Variants in SMARCA4 observed in about 807,000 individuals in gnomAD.
The protein encoded by SMARCA4 is SWI/SNF related BAF chromatin remodeling complex subunit ATPase 4.
A neutral mutation model predicts 193.9 loss-of-function variants in SMARCA4; 31 were observed. The observed-to-expected ratio is 0.16, with a 90% CI of 0.12 to 0.22. The LOEUF (loss-of-function observed/expected upper bound fraction) is 0.22. Among genes scored for constraint, SMARCA4 ranks in the 10% least tolerant of loss-of-function variants. The probability of loss-of-function intolerance (pLI) is 1.00; values close to 1 mark genes in which losing one functional copy is unlikely to be tolerated. For missense variants in SMARCA4, 1,148 were observed against 2,296.0 expected, an observed-to-expected ratio of 0.50 and a Z score of 10.22; for synonymous variants, 942 against 933.1, an observed-to-expected ratio of 1.01 and a Z score of -0.17.
chr19:11,018,842 A>G, intron 16 of SMARCA4, 115 bp from the exon 17 acceptor site: 1 of 850,780 alleles, frequency 1.2e-6, no homozygotes, highest in Non-Finnish European at 2.1e-6. Flanking sequence ...TTCTCTGCCC[A>G]CTCGGAGGGC....
In SMARCA4 at chr19:11,058,279, G is replaced by A. The variant is rs776843815; in HGVS notation, c.4449G>A (p.Glu1483=). 13 of 1,613,186 alleles carry A rather than the reference G, an allele frequency of 8.1e-6. No individual in the cohort carries two copies. The highest frequency in any genetic ancestry group is 1.1e-5 in the Non-Finnish European group (13 of 1,179,916). ...GCAGCAGTGGACGTCAGCTCAGCGA[G>A]GTCTTCATCCAGCTGCCCTCGCGAA... ...KDSSSGRQLS[E]VFIQLPSRKE... Residue 1483 remains glutamate (E), a synonymous_variant, in exon 31 of 35, where the codon GAG becomes GAA. Transcript: ENST00000344626. This position sits in a 1 kb window ranked among gnomAD's most constrained non-coding sequence, Gnocchi z 5.8.
intron 30 of SMARCA4, among the ~76,000 whole-genome samples, chr19:11,046,073 A>T (rs957624948): frequency 6.6e-6 from 1 of 152,184 alleles, no homozygotes; most frequent in Admixed American, 6.5e-5. Context: ...AATACAAAAA[A>T]TTAGCCAGGC....
In SMARCA4 at chr19:11,034,840, C is replaced by T. The variant is rs1298110685; in HGVS notation, c.3952-74C>T. 1.0e-6 allele frequency: 1 copy of T among 965,844 alleles called. No homozygotes were observed. The highest frequency in any genetic ancestry group is 1.6e-6 in the Non-Finnish European group (1 of 625,370). The allele number at this position is 965,844 out of a possible 1,614,324, so 59.8% of individuals were successfully genotyped here. A position where few individuals can be genotyped will look rare whatever the true frequency, so the allele number is the denominator to read the frequency against. On this transcript the variant is annotated intron_variant, in intron 28 of 34. Coordinates refer to ENST00000344626, the MANE Select transcript of SMARCA4 (RefSeq NM_003072.5). The surrounding 1 kb of genome is among the most constrained non-coding windows in gnomAD (Gnocchi z 7.0). ...GGGCAGAGAAAGGCCCTTCTGAACTCTCGGTGTTCTGGCTCTAGCGTGCCC... is the reference window on the plus strand; with the variant it reads ...GGGCAGAGAAAGGCCCTTCTGAACTTTCGGTGTTCTGGCTCTAGCGTGCCC...
At chr19:10,975,836 C>G (rs1204735912) in intron 1 of SMARCA4, among the ~76,000 whole-genome samples, 1 of 152,232 alleles carries the variant, frequency 6.6e-6, no homozygotes, top group African/African-American at 2.4e-5. Flanking sequence ...GTCATTCCTT[C>G]TGGCTGCTGG....
chr19:11,049,686 G>A (rs2076150837), intron 30 of SMARCA4, among the ~76,000 whole-genome samples: 1 of 152,160 alleles, frequency 6.6e-6, no homozygotes, highest in Admixed American at 6.5e-5. Flanking sequence ...TGGTGTGCTT[G>A]GTAAGGGCTC....
rs1041317177 is a variant in SMARCA4 at position 11,053,424 on chromosome 19, C to T, written c.4425-4831C>T. Among the ~76,000 whole-genome samples the T allele has an allele frequency of 2.7e-5, 4 of 148,854 alleles. No individual in the cohort carries two copies. In the South Asian group the frequency reaches 6.3e-4, roughly 24 times the overall value. On this transcript the variant is annotated intron_variant, in intron 30 of 34. Coordinates refer to ENST00000344626, the MANE Select transcript of SMARCA4 (RefSeq NM_003072.5). ...CCAAGATTGCACCACTGCACTCCAG[C>T]CTGGGTGACAGAGTGAGACTCCGTC...
chr19:10,991,039 C>T, intron 7 of SMARCA4, 111 bp from the exon 8 acceptor site: 1 of 1,533,820 alleles, frequency 6.5e-7, no homozygotes, highest in South Asian at 1.2e-5. Flanking sequence ...GTGTGTAAGG[C>T]ACTTACAATG....
Position 10,985,548 on chromosome 19 carries a change from G to A in SMARCA4, c.355+143G>A. 9.8e-7 allele frequency: 1 copy of A among 1,020,316 alleles called. No homozygotes were observed. The highest frequency in any genetic ancestry group is 1.4e-5 in the South Asian group (1 of 72,116). 63.2% of individuals were successfully genotyped at this position (1,020,316 alleles called of 1,614,324 possible). On this transcript the variant is annotated intron_variant, in intron 3 of 34. Transcript: ENST00000344626. This position sits in a 1 kb window ranked among gnomAD's most constrained non-coding sequence, Gnocchi z 4.5. ...GGTGGGTGGCCCGCCACAGAGAGCT[G>A]TCTGGCATGGCGTGGCTGGTGCTCT...
At chr19:11,032,328 G>A (rs2074983071) in intron 25 of SMARCA4, 1 of 152,234 alleles carries the variant, frequency 6.6e-6, no homozygotes, top group South Asian at 2.1e-4. Context: ...CCAGAGACAG[G>A]ATTTCGTGTT....
Position 11,019,510 on chromosome 19 carries a change from T to C in SMARCA4, c.2506-81T>C, listed in dbSNP as rs2146370221. 3 of 839,058 alleles carry C rather than the reference T, an allele frequency of 3.6e-6. No homozygotes were observed. The Admixed American group carries it at 6.0e-5, about 17-fold the overall frequency. 52.0% of individuals were successfully genotyped at this position (839,058 alleles called of 1,614,324 possible). On this transcript the variant is annotated intron_variant, in intron 17 of 34. Transcript: ENST00000344626. This position sits in a 1 kb window ranked among gnomAD's most constrained non-coding sequence, Gnocchi z 6.1. ...GCCCTCCCGCCGTGTCACTGGGCAGTTGCAGGGGGTGCCTGTGCCCCTCTT... is the reference window on the plus strand; with the variant it reads ...GCCCTCCCGCCGTGTCACTGGGCAGCTGCAGGGGGTGCCTGTGCCCCTCTT...
At position 11,031,446 on chromosome 19, in the gene SMARCA4, T is replaced by C. The variant is rs575445385; in HGVS notation, c.3546+553T>C. On this transcript the variant is annotated intron_variant, in intron 25 of 34. Coordinates refer to ENST00000344626, the MANE Select transcript of SMARCA4 (RefSeq NM_003072.5). The surrounding 1 kb of genome is among the most constrained non-coding windows in gnomAD (Gnocchi z 4.3). ...TCATTATAAGACTGATAAGTTCTTATTGTTTTTAACATGTAAACACCAGTG... is the reference window on the plus strand; with the variant it reads ...TCATTATAAGACTGATAAGTTCTTACTGTTTTTAACATGTAAACACCAGTG... 4.6e-5 allele frequency: 8 copies of C among 173,608 alleles called. No homozygotes were observed. Among genetic ancestry groups the C allele is most frequent in the South Asian group, 4.0e-4 (3 of 7,470 alleles). 10.8% of individuals were successfully genotyped at this position (173,608 alleles called of 1,614,324 possible).
intron 30 of SMARCA4, among the ~76,000 whole-genome samples, chr19:11,043,001 G>T (rs571620875): frequency 2.0e-4 from 30 of 151,916 alleles, no homozygotes; most frequent in Non-Finnish European, 4.1e-4. Context: ...GCTTAAAAAG[G>T]TTCTTTTAGC....
At chr19:10,979,851 G>A (rs945175665) in intron 1 of SMARCA4, among the ~76,000 whole-genome samples, 1 of 152,110 alleles carries the variant, frequency 6.6e-6, no homozygotes, top group Non-Finnish European at 1.5e-5. Flanking sequence ...TGACTGGGGG[G>A]GCCCAAGAAT....
Position 11,058,986 on chromosome 19 carries a change from C to A in SMARCA4, c.4635+97C>A. ...CCCTTCTGAATTGATGGGTTAAAAACAAGTCCCGCTAGCTGTGGTGGTTCG... is the reference window on the plus strand; with the variant it reads ...CCCTTCTGAATTGATGGGTTAAAAAAAAGTCCCGCTAGCTGTGGTGGTTCG... On this transcript the variant is annotated intron_variant, in intron 32 of 34. Coordinates refer to ENST00000344626, the MANE Select transcript of SMARCA4 (RefSeq NM_003072.5). This position sits in a 1 kb window ranked among gnomAD's most constrained non-coding sequence, Gnocchi z 5.8. 1.0e-6 allele frequency: 1 copy of A among 959,872 alleles called. No individual in the cohort carries two copies. The highest frequency in any genetic ancestry group is 1.6e-6 in the Non-Finnish European group (1 of 611,886). 59.5% of individuals were successfully genotyped at this position (959,872 alleles called of 1,614,324 possible).
chr19:11,048,177 G>T (rs1008655045), intron 30 of SMARCA4, among the ~76,000 whole-genome samples: 8 of 151,922 alleles, frequency 5.3e-5, no homozygotes, highest in Admixed American at 4.6e-4. Context: ...CTCCAACTTT[G>T]AATTGCTCCT....
At chr19:10,967,520 C>T (rs1277303361) in intron 1 of SMARCA4, among the ~76,000 whole-genome samples, 2 of 150,348 alleles carry the variant, frequency 1.3e-5, no homozygotes, top group Non-Finnish European at 1.5e-5. Flanking sequence ...CCATGTTAGC[C>T]AGGATGGTCT....
At chr19:11,026,023 C>T (rs146577539) in intron 22 of SMARCA4, among the ~76,000 whole-genome samples, 20 of 152,324 alleles carry the variant, frequency 1.3e-4, no homozygotes, top group Admixed American at 1.0e-3. Context: ...GCACCCTGAG[C>T]GTGGCTGTGG....
At chr19:10,966,837 G>A (rs1420828583) in intron 1 of SMARCA4, among the ~76,000 whole-genome samples, 2 of 150,980 alleles carry the variant, frequency 1.3e-5, no homozygotes, top group Admixed American at 6.6e-5. Context: ...GCAGGGAGCC[G>A]AGATCGTGCC....
rs886054155 is a variant in SMARCA4, at chr19:11,041,368, G to A, written c.4232G>A (p.Arg1411Gln). Residue 1411 changes from arginine (R) to glutamine (Q), a missense_variant, in exon 30 of 35, where the codon CGG (arginine) becomes CAG (glutamine). This residue lies in a region of SMARCA4 where 141 missense variants were observed against 193.0 expected (regional missense o/e 0.73). Transcript: ENST00000344626. This position sits in a 1 kb window ranked among gnomAD's most constrained non-coding sequence, Gnocchi z 5.6. Reference sequence around the variant, plus strand: ...GAGGTCCGGCAGAAGAAATCATCACGGAAGCGCAAGCGAGACAGCGACGCC... The same window carrying A: ...GAGGTCCGGCAGAAGAAATCATCACAGAAGCGCAAGCGAGACAGCGACGCC... The part of the protein sequence containing the change: ...EEEVRQKKSS[R>Q]KRKRDSDAGS... The A allele has an allele frequency of 8.1e-6, 13 of 1,612,556 alleles. No homozygotes were observed. Among genetic ancestry groups the A allele is most frequent in the East Asian group, 2.2e-5 (1 of 44,894 alleles).
Sources: gnomAD v4.1 joint callset for allele counts (sites outside exome capture counted in the v4.1 genomes callset) on GRCh38, gnomAD v4.1.1 for gene constraint, gnomAD v4.1.1 regional missense constraint, Gnocchi (gnomAD v3.1) non-coding constraint, MANE v1.5 for transcripts, NCBI Gene and HGNC (gene_info 2026-07-23, HGNC 2026-07-21) for gene names.